RALYL: variants seen among roughly 807,000 people sequenced by gnomAD.
RALYL encodes RNA-binding Raly-like protein.
Under a neutral mutation model 35.1 loss-of-function variants are expected in RALYL, and 29 were observed. That is an observed-to-expected ratio of 0.83 (90% CI 0.61 to 1.13). The LOEUF (loss-of-function observed/expected upper bound fraction) is 1.13, where lower values mean the gene tolerates loss of function less well. Ranked by LOEUF, RALYL falls within the 50% of genes most tolerant of loss-of-function variation. The pLI, the probability that RALYL is intolerant of heterozygous loss-of-function variation, is 0.00. For missense variants in RALYL, 359 were observed against 360.4 expected, an observed-to-expected ratio of 1.00 and a Z score of 0.03; for synonymous variants, 120 against 127.6, an observed-to-expected ratio of 0.94 and a Z score of 0.40.
At chr8:84,248,054 A>G (rs756610412) in intron 1 of RALYL, among the ~76,000 whole-genome samples, 9 of 152,176 alleles carry the variant, frequency 5.9e-5, no homozygotes, top group Admixed American at 5.2e-4. Flanking sequence ...AATTACAACA[A>G]TAATATACAT....
At chr8:84,195,932 CT>C (rs1815165070) in intron 1 of RALYL, among the ~76,000 whole-genome samples, 2 of 152,226 alleles carry the variant, frequency 1.3e-5, no homozygotes, top group Non-Finnish European at 2.9e-5. Flanking sequence ...TTATTTTATG[CT>C]TTAATATGAA....
At chr8:84,861,566 T>C (rs1336609369) in intron 5 of RALYL, among the ~76,000 whole-genome samples, 5 of 152,228 alleles carry the variant, frequency 3.3e-5, no homozygotes, top group Non-Finnish European at 5.9e-5. Context: ...AACTATAAAA[T>C]ATCTCTAGTC....
rs7842605 is a variant in RALYL at position 84,343,329 on chromosome 8, G to A, written c.-24+158905G>A. On this transcript the variant is annotated intron_variant, in intron 1 of 8. Coordinates refer to ENST00000521268, the MANE Select transcript of RALYL (RefSeq NM_173848.7). ...CATTGCTCTGCTCACTTTGAATATC[G>A]GATACATCCTCCTTGCACTTTGAAA... is the stretch of plus-strand genomic sequence containing the variant. Among the ~76,000 whole-genome samples the A allele has an allele frequency of 2.8e-3, 433 of 152,020 alleles. 1 individual carries two copies. Among genetic ancestry groups the A allele is most frequent in the African/African-American group, 0.01 (422 of 41,500 alleles).
intron 2 of RALYL, among the ~76,000 whole-genome samples, chr8:84,553,537 T>G (rs779610939): frequency 4.3e-4 from 65 of 152,336 alleles, no homozygotes; most frequent in Admixed American, 2.1e-3. Context: ...TCTTGCAGGT[T>G]CCATCTGCCA....
intron 1 of RALYL, among the ~76,000 whole-genome samples, chr8:84,191,613 C>T (rs969366891): frequency 6.6e-6 from 1 of 152,076 alleles, no homozygotes; most frequent in African/African-American, 2.4e-5. Context: ...TGGTCAAAGA[C>T]AAATAAGGCT....
intron 1 of RALYL, among the ~76,000 whole-genome samples, chr8:84,479,128 T>G (rs1262085267): frequency 1.2e-5 from 1 of 84,286 alleles, no homozygotes; most frequent in African/African-American, 3.8e-5. Flanking sequence ...AAAAAATCTA[T>G]ACACAGGGTT....
chr8:84,588,226 T>C (rs1303269978), intron 2 of RALYL, among the ~76,000 whole-genome samples: 3 of 152,158 alleles, frequency 2.0e-5, no homozygotes, highest in Non-Finnish European at 1.5e-5. Context: ...AATTAAGGAA[T>C]GTACATGGAC....
At chr8:84,724,002 T>A (rs1844478938) in intron 2 of RALYL, among the ~76,000 whole-genome samples, 1 of 151,820 alleles carries the variant, frequency 6.6e-6, no homozygotes, top group Admixed American at 6.6e-5. Context: ...TGGTTCATAG[T>A]AGGATCTCAG....
intron 1 of RALYL, among the ~76,000 whole-genome samples, chr8:84,495,920 A>G (rs941778697): frequency 6.6e-5 from 10 of 152,152 alleles, no homozygotes; most frequent in African/African-American, 2.4e-4. Context: ...ATAGCCAAAT[A>G]GACCACTTAA....
chr8:84,373,744 A>C (rs1268276810), intron 1 of RALYL, among the ~76,000 whole-genome samples: 1 of 151,928 alleles, frequency 6.6e-6, no homozygotes, highest in Non-Finnish European at 1.5e-5. Context: ...CTGTTTCTCT[A>C]GTTCTGTGAA....
intron 3 of RALYL, among the ~76,000 whole-genome samples, chr8:84,780,608 C>G (rs1817929641): frequency 6.6e-6 from 1 of 152,078 alleles, no homozygotes; most frequent in African/African-American, 2.4e-5. Flanking sequence ...GTTCAGTTTG[C>G]TTGGTGGGAA....
intron 2 of RALYL, among the ~76,000 whole-genome samples, chr8:84,638,456 G>A (rs1395460733): frequency 6.6e-6 from 1 of 151,504 alleles, no homozygotes; most frequent in Admixed American, 6.6e-5. Context: ...AAATAACCAA[G>A]ATCAGAGAAG....
At chr8:84,503,978 A>C (rs2056945161) in intron 1 of RALYL, among the ~76,000 whole-genome samples, 1 of 152,126 alleles carries the variant, frequency 6.6e-6, no homozygotes, top group African/African-American at 2.4e-5. Flanking sequence ...TCAGACAGAC[A>C]TGAAATCCAG....
intron 2 of RALYL, among the ~76,000 whole-genome samples, chr8:84,706,831 G>GT (rs1348435530): frequency 6.6e-6 from 1 of 152,082 alleles, no homozygotes; most frequent in African/African-American, 2.4e-5. Flanking sequence ...CCTCTCTCTA[G>GT]TAAGTTTAAC....
chr8:84,888,245 G>A (rs1279100170), intron 8 of RALYL, among the ~76,000 whole-genome samples: 2 of 152,186 alleles, frequency 1.3e-5, no homozygotes, highest in African/African-American at 4.8e-5. Flanking sequence ...TAGATGGCCA[G>A]TTCATCATTT....
At chr8:84,390,585 C>T (rs191988439) in intron 1 of RALYL, among the ~76,000 whole-genome samples, 3,183 of 152,058 alleles carry the variant, frequency 0.021, 64 homozygotes, top group South Asian at 0.08. Context: ...CTGTATGTGT[C>T]GAGGAATTTA....
chr8:84,624,878 TC>T (rs1360055883), intron 2 of RALYL, among the ~76,000 whole-genome samples: 1 of 152,160 alleles, frequency 6.6e-6, no homozygotes, highest in Non-Finnish European at 1.5e-5. Flanking sequence ...GTCTTTTACC[TC>T]CCAAAATTTC....
rs879429303 is a variant in RALYL at position 84,407,048 on chromosome 8, TCA to T, written c.-23-122232_-23-122231del. Among the ~76,000 whole-genome samples, 1,281 of 139,746 alleles carry T rather than the reference TCA, an allele frequency of 9.2e-3. 14 individuals are homozygous for T. The highest frequency in any genetic ancestry group is 0.031 in the African/African-American group (1,176 of 37,446). 91.7% of individuals were successfully genotyped at this position (139,746 alleles called of 152,430 possible). ...TATATATATATATACACACACACACTCACACACACACACACACACAAACACAC... is the reference window on the plus strand; with the variant it reads ...TATATATATATATACACACACACACTCACACACACACACACACAAACACAC... On this transcript the variant is annotated intron_variant, in intron 1 of 8. Transcript: ENST00000521268.
intron 1 of RALYL, among the ~76,000 whole-genome samples, chr8:84,293,612 G>T (rs980577822): frequency 6.6e-6 from 1 of 152,100 alleles, no homozygotes; most frequent in African/African-American, 2.4e-5. Context: ...CAAAGCTCTT[G>T]AATTTAGCAT....
Sources: allele counts gnomAD v4.1 joint callset (sites outside exome capture counted in the v4.1 genomes callset), GRCh38; gene constraint gnomAD v4.1.1; transcripts MANE v1.5; gene names NCBI Gene and HGNC (gene_info 2026-07-23, HGNC 2026-07-21).